MYO18B: variants seen among roughly 807,000 people sequenced by gnomAD.
The protein encoded by MYO18B is unconventional myosin-XVIIIb.
A neutral mutation model predicts 273.0 loss-of-function variants in MYO18B; 204 were observed. The observed-to-expected ratio is 0.75, with a 90% confidence interval of 0.67 to 0.84. The LOEUF is 0.84. Ranked by LOEUF, MYO18B falls within the 40% of genes least tolerant of loss-of-function variation. The pLI is 0.00. For missense variants in MYO18B, 3,212 were observed against 3,287.6 expected, an observed-to-expected ratio of 0.98 and a Z score of 0.56; for synonymous variants, 1,330 against 1,305.7, an observed-to-expected ratio of 1.02 and a Z score of -0.40.
chr22:25,868,704 A>G (rs2090961956), intron 22 of MYO18B, among the ~76,000 whole-genome samples: 1 of 152,188 alleles, frequency 6.6e-6, no homozygotes, highest in Non-Finnish European at 1.5e-5. Flanking sequence ...ATAAAACCTG[A>G]GAAGAACTGC....
At chr22:26,044,380 T>G in the MYO18B span, among the ~76,000 whole-genome samples, 4 of 152,270 alleles carry the variant, frequency 2.6e-5, no homozygotes, top group African/African-American at 9.6e-5. Context: ...TTCTAAACCC[T>G]TTCTAAGAAA....
intron 34 of MYO18B, among the ~76,000 whole-genome samples, chr22:25,935,250 G>T (rs2092561770): frequency 6.6e-6 from 1 of 152,174 alleles, no homozygotes; most frequent in Non-Finnish European, 1.5e-5. Context: ...ACTTCCATAA[G>T]GTCAGGAGGA....
intron 12 of MYO18B, among the ~76,000 whole-genome samples, chr22:25,818,934 A>T (rs1418899753): frequency 6.6e-6 from 1 of 152,166 alleles, no homozygotes; most frequent in Non-Finnish European, 1.5e-5. Context: ...GCTTTGTGCG[A>T]CAAACTGGGA....
intron 40 of MYO18B, among the ~76,000 whole-genome samples, chr22:25,994,304 A>G (rs1361480519): frequency 6.6e-6 from 1 of 152,124 alleles, no homozygotes; most frequent in African/African-American, 2.4e-5. Flanking sequence ...CCATCTCTAC[A>G]AAAACTCCTT....
intron 9 of MYO18B, among the ~76,000 whole-genome samples, chr22:25,780,562 C>T (rs1328356227): frequency 3.0e-5 from 4 of 134,436 alleles, no homozygotes; most frequent in African/African-American, 1.1e-4. Flanking sequence ...TGCACTCCAG[C>T]CTGGGCAGCA....
intron 33 of MYO18B, among the ~76,000 whole-genome samples, chr22:25,918,334 T>G (rs1312803826): frequency 2.0e-5 from 3 of 152,194 alleles, no homozygotes; most frequent in African/African-American, 7.2e-5. Flanking sequence ...CCCCAAACAA[T>G]TTGCCTTTAT....
chr22:25,853,148 C>A (rs929277335), intron 21 of MYO18B, among the ~76,000 whole-genome samples: 2 of 152,178 alleles, frequency 1.3e-5, no homozygotes, highest in Non-Finnish European at 2.9e-5. Context: ...AGCAGCAGCA[C>A]CATCAATATC....
At chr22:25,802,391 G>C (rs4822658) in intron 12 of MYO18B, among the ~76,000 whole-genome samples, 129,867 of 152,022 alleles carry the variant, frequency 0.85, 57,062 homozygotes, top group Non-Finnish European at 0.97. Flanking sequence ...CTCTATGCAG[G>C]CATGATTGAT....
At chr22:25,867,271 C>T (rs1300119511) in intron 21 of MYO18B, among the ~76,000 whole-genome samples, 1 of 152,188 alleles carries the variant, frequency 6.6e-6, no homozygotes, top group African/African-American at 2.4e-5. Context: ...ACCCGTTAAA[C>T]AATAAGCCTT....
chr22:25,868,457 T>C, intron 22 of MYO18B, 72 bp downstream of exon 22: 1 of 1,274,984 alleles, frequency 7.8e-7, no homozygotes, highest in Non-Finnish European at 1.1e-6. Context: ...ATTCTTGTCC[T>C]ACCTCAATTG....
At chr22:25,882,610 C>G (rs2091373304) in intron 25 of MYO18B, among the ~76,000 whole-genome samples, 1 of 152,198 alleles carries the variant, frequency 6.6e-6, no homozygotes. Flanking sequence ...CAAAGCAGTG[C>G]TTTATCCAGG....
rs367982269 is a variant in MYO18B at position 25,955,247 on chromosome 22, C to G, written c.6039C>G (p.Ser2013=). 4 of 1,613,506 alleles carry G rather than the reference C, an allele frequency of 2.5e-6. No homozygotes were observed. The African/African-American group carries it at 4.0e-5, about 16-fold the overall frequency. The change falls in exon 39 of 44, where the codon TCC becomes TCG. Residue 2013 remains serine (S), a synonymous_variant. Transcript: ENST00000335473. ...AGGAGCTTTCACAGGCGGCCACCTC[C>G]GAGTCCCAGCAGCGGGAGAGCAGCC... ...MGEELSQAAT[S]ESQQRESSQY...
rs1281857633 is a variant in MYO18B, at chr22:25,821,492, T to G, written c.2522-2013T>G. Among the ~76,000 whole-genome samples, 4 of 152,306 alleles carry G rather than the reference T, an allele frequency of 2.6e-5. No individual in the cohort carries two copies. In the East Asian group the frequency reaches 5.8e-4, roughly 22 times the overall value. ...CTATTATTTGTTTTAAGAAGTCATT[T>G]ATTGGCCGGGAGTGGGGGCTCACGC... On this transcript the variant is annotated intron_variant, in intron 12 of 43. Transcript: ENST00000335473.
intron 12 of MYO18B, among the ~76,000 whole-genome samples, chr22:25,807,421 A>G (rs911676900): frequency 1.3e-5 from 2 of 152,212 alleles, no homozygotes; most frequent in Admixed American, 6.5e-5. Context: ...GGCTTGAACA[A>G]TCACTTTATT....
chr22:25,936,759 G>A (rs183510152), intron 34 of MYO18B, among the ~76,000 whole-genome samples: 6 of 152,202 alleles, frequency 3.9e-5, no homozygotes, highest in African/African-American at 1.4e-4. Flanking sequence ...CTCTCTTCCT[G>A]GCCTACAGAC....
intron 36 of MYO18B, among the ~76,000 whole-genome samples, chr22:25,949,332 G>A (rs2092764891): frequency 6.6e-6 from 1 of 152,180 alleles, no homozygotes; most frequent in Non-Finnish European, 1.5e-5. Context: ...ACTCCAGCCT[G>A]GTAGATGGAG....
At chr22:25,877,679 G>A (rs1429680726) in intron 24 of MYO18B, among the ~76,000 whole-genome samples, 2 of 152,084 alleles carry the variant, frequency 1.3e-5, no homozygotes, top group Admixed American at 1.3e-4. Flanking sequence ...TGTTGGTCAG[G>A]CTGGTCTCGA....
intron 30 of MYO18B, 79 bp from the exon 31 acceptor site, chr22:25,903,551 GT>G: frequency 7.0e-7 from 1 of 1,425,736 alleles, no homozygotes; most frequent in Non-Finnish European, 9.5e-7. Flanking sequence ...TCCAGCCCCA[GT>G]TGGTTGTAGA....
At chr22:25,852,715 G>A (rs1351866756) in intron 21 of MYO18B, among the ~76,000 whole-genome samples, 1 of 152,214 alleles carries the variant, frequency 6.6e-6, no homozygotes, top group Non-Finnish European at 1.5e-5. Context: ...GCATTTGTGG[G>A]TTTGCTCCTT....
Sources: allele counts gnomAD v4.1 joint callset (sites outside exome capture counted in the v4.1 genomes callset), GRCh38; gene constraint gnomAD v4.1.1; transcripts MANE v1.5; gene names NCBI Gene and HGNC (gene_info 2026-07-23, HGNC 2026-07-21).